SPDYA: variants seen among roughly 807,000 people sequenced by gnomAD.
SPDYA encodes speedy/RINGO cell cycle regulator family member A, also known as speedy protein A.
SPDYA carries 11 observed loss-of-function variants against 36.7 expected under a neutral mutation model. The observed-to-expected ratio is 0.30, with a 90% CI of 0.19 to 0.50. SPDYA has a LOEUF of 0.50. Among genes scored for constraint, SPDYA ranks in the 20% least tolerant of loss-of-function variants. The pLI is 0.98. For synonymous variants in SPDYA, 115 were observed against 118.7 expected, an observed-to-expected ratio of 0.97 and a Z score of 0.20; for missense variants, 287 against 370.9, an observed-to-expected ratio of 0.77 and a Z score of 1.86.
chr2:28,837,739 GTGC>G (rs1668641915), intron 6 of SPDYA, among the ~76,000 whole-genome samples: 7 of 98,214 alleles, frequency 7.1e-5, no homozygotes, highest in Admixed American at 2.7e-4. Context: ...TCCAGAGTCA[GTGC>G]TTTTTTTTTT....
chr2:28,847,946 G>C (rs1053516195), intron 7 of SPDYA, among the ~76,000 whole-genome samples: 2 of 152,040 alleles, frequency 1.3e-5, no homozygotes, highest in Admixed American at 6.6e-5. Flanking sequence ...ATGCTATCCA[G>C]GTTTGCAGTC....
chr2:28,838,066 C>T (rs1445313120), intron 6 of SPDYA, among the ~76,000 whole-genome samples: 2 of 151,862 alleles, frequency 1.3e-5, no homozygotes, highest in South Asian at 2.1e-4. Flanking sequence ...CAGAGAAGTC[C>T]GTTTCATAGA....
At chr2:28,824,677 G>T (rs919476453) in intron 5 of SPDYA, among the ~76,000 whole-genome samples, 1 of 151,136 alleles carries the variant, frequency 6.6e-6, no homozygotes, top group Non-Finnish European at 1.5e-5. Context: ...CTCCTGAATA[G>T]CTGGAACTAC....
At chr2:28,830,445 C>T (rs1439854391) in intron 6 of SPDYA, among the ~76,000 whole-genome samples, 1 of 151,938 alleles carries the variant, frequency 6.6e-6, no homozygotes, top group South Asian at 2.1e-4. Flanking sequence ...CCTTGTGATC[C>T]GCCCGCCTCG....
At chr2:28,824,246 G>A (rs1668257731) in intron 5 of SPDYA, among the ~76,000 whole-genome samples, 1 of 151,864 alleles carries the variant, frequency 6.6e-6, no homozygotes, top group Admixed American at 6.6e-5. Flanking sequence ...GGGAGGCTGG[G>A]GCGGAAGGAT....
At chr2:28,836,383 A>C (rs1668603480) in intron 6 of SPDYA, among the ~76,000 whole-genome samples, 1 of 152,192 alleles carries the variant, frequency 6.6e-6, no homozygotes, top group Admixed American at 6.5e-5. Context: ...ACAGATGCAA[A>C]AACTGTGGCT....
intron 5 of SPDYA, among the ~76,000 whole-genome samples, chr2:28,825,440 T>C (rs113209524): frequency 6.6e-6 from 1 of 152,158 alleles, no homozygotes; most frequent in African/African-American, 2.4e-5. Context: ...ATAACATGAA[T>C]TATAATTTCC....
intron 1 of SPDYA, among the ~76,000 whole-genome samples, chr2:28,812,901 G>T (rs1667887486): frequency 6.6e-6 from 1 of 150,832 alleles, no homozygotes; most frequent in African/African-American, 2.4e-5. Flanking sequence ...TACCTGATGA[G>T]CACAGTTTCT....
At chr2:28,829,958 AAG>A (rs1464163583) in intron 6 of SPDYA, among the ~76,000 whole-genome samples, 905 of 51,632 alleles carry the variant, frequency 0.018, 122 homozygotes, top group East Asian at 0.14. Context: ...AAAAAAAAAA[AAG>A]AAAAGAAAAG....
At chr2:28,812,678 G>C (rs948570043) in intron 1 of SPDYA, among the ~76,000 whole-genome samples, 1 of 151,686 alleles carries the variant, frequency 6.6e-6, no homozygotes. Flanking sequence ...CCAACATGGC[G>C]AAACCCCATC....
intron 7 of SPDYA, among the ~76,000 whole-genome samples, chr2:28,842,925 C>T (rs151146803): frequency 1.1e-4 from 16 of 152,208 alleles, no homozygotes; most frequent in African/African-American, 2.9e-4. Context: ...AATTTTCTTC[C>T]TCCATTCCAC....
At chr2:28,844,614 G>A (rs1668826129) in intron 7 of SPDYA, among the ~76,000 whole-genome samples, 1 of 152,146 alleles carries the variant, frequency 6.6e-6, no homozygotes, top group African/African-American at 2.4e-5. Flanking sequence ...ATGTTCGGTG[G>A]TTAGCTGTAT....
intron 7 of SPDYA, among the ~76,000 whole-genome samples, chr2:28,846,433 C>T (rs964779609): frequency 6.6e-6 from 1 of 151,844 alleles, no homozygotes; most frequent in Admixed American, 6.6e-5. Context: ...AAACATGATC[C>T]AGTGTAGGTT....
intron 7 of SPDYA, among the ~76,000 whole-genome samples, chr2:28,844,857 CG>C (rs1204126427): frequency 5.3e-5 from 8 of 151,962 alleles, no homozygotes; most frequent in South Asian, 4.1e-4. Flanking sequence ...TGCTTGAACC[CG>C]GGAGGCGGAG....
chr2:28,824,948 A>G (rs553389328), intron 5 of SPDYA, among the ~76,000 whole-genome samples: 66 of 152,374 alleles, frequency 4.3e-4, no homozygotes, highest in African/African-American at 1.2e-3. Context: ...TAATAGTATT[A>G]GGTAATACTG....
intron 5 of SPDYA, among the ~76,000 whole-genome samples, chr2:28,824,011 T>C (rs1668249350): frequency 1.3e-5 from 2 of 151,054 alleles, no homozygotes; most frequent in African/African-American, 2.4e-5. Context: ...CCTCCCAAAG[T>C]GCTAGGATTA....
chr2:28,833,343 C>T (rs1403043125), intron 6 of SPDYA, among the ~76,000 whole-genome samples: 3 of 152,074 alleles, frequency 2.0e-5, no homozygotes, highest in Admixed American at 6.6e-5. Context: ...CAAGCTACAC[C>T]GGCCTCCTTA....
intron 4 of SPDYA, among the ~76,000 whole-genome samples, chr2:28,819,895 TATATA>T (rs1668113192): frequency 1.1e-5 from 1 of 93,848 alleles, no homozygotes; most frequent in African/African-American, 4.3e-5. Context: ...TATATATATA[TATATA>T]TATTTTATCC....
Position 28,812,728 on chromosome 2 carries a change from G to T in SPDYA, c.-93+1781G>T, listed in dbSNP as rs545135931. On this transcript the variant is annotated intron_variant, in intron 1 of 7. Transcript: ENST00000334056. ...GAAAATTAGCGGGGCGTGGTGGCAG[G>T]CTCCTGTAATCCCAACTACTCAGGA... 2.0e-5 allele frequency among the ~76,000 whole-genome samples: 3 copies of T among 151,846 alleles called. No homozygotes were observed. In the East Asian group the frequency reaches 5.8e-4, roughly 29 times the overall value.
Sources: allele counts gnomAD v4.1 joint callset (sites outside exome capture counted in the v4.1 genomes callset), GRCh38; gene constraint gnomAD v4.1.1; transcripts MANE v1.5; gene names NCBI Gene and HGNC (gene_info 2026-07-23, HGNC 2026-07-21).